The following ASXL1 variants were observed in gnomAD, a reference collection of about 807,000 sequenced individuals.
ASXL1 encodes the protein polycomb group protein ASXL1.
A neutral mutation model predicts 89.1 loss-of-function variants in ASXL1; 65 were observed. The ratio of observed to expected loss-of-function variants is 0.73; its 90% confidence interval spans 0.60 to 0.90. The LOEUF is 0.90. ASXL1 is among the 40% of genes least tolerant of loss of function. The probability of loss-of-function intolerance (pLI) is 0.00; values close to 1 mark genes in which losing one functional copy is unlikely to be tolerated. For synonymous variants in ASXL1, 739 were observed against 746.9 expected, an observed-to-expected ratio of 0.99 and a Z score of 0.17; for missense variants, 1,786 against 1,942.9, an observed-to-expected ratio of 0.92 and a Z score of 1.52.
chr20:32,361,015 G>A (rs1338929298), intron 1 of ASXL1, among the ~76,000 whole-genome samples: 1 of 152,082 alleles, frequency 6.6e-6, no homozygotes, highest in Admixed American at 6.6e-5. Context: ...CCAAAGTGCT[G>A]GGATTACAGG....
chr20:32,435,377 G>A lies in ASXL1; in HGVS notation c.2665G>A (p.Ala889Thr), dbSNP rs763287860. Residue 889 changes from alanine (A) to threonine (T), a missense_variant, in exon 13 of 13, where the codon GCT becomes ACT. Ala to Thr is a moderately conservative substitution (Grantham distance 58, BLOSUM62 0). Around this residue, in one of 3 missense-constraint regions of ASXL1, gnomAD observed 1,418 missense variants for 1,427.8 expected, o/e 0.99. Coordinates refer to ENST00000375687, the MANE Select transcript of ASXL1 (RefSeq NM_015338.6). ...DTRQENLKTK[A>T]LVSNSSLHWI... is the part of the protein sequence containing the mutation. ...TAGACAAGAAAACTTGAAAACCAAG[G>A]CTCTCGTTTCTAACAGTTCTTTGCA... The A allele has an allele frequency of 6.2e-7, 1 of 1,614,166 alleles. No homozygotes were observed. The highest frequency in any genetic ancestry group is 1.1e-5 in the South Asian group (1 of 91,082).
At chr20:32,371,808 G>A in intron 4 of ASXL1, 1 of 448,132 alleles carries the variant, frequency 2.2e-6, no homozygotes, top group South Asian at 1.6e-5. Flanking sequence ...GGTTAAACTG[G>A]TCTCAAACTC....
At chr20:32,397,955 A>AT (rs1323742216) in intron 4 of ASXL1, among the ~76,000 whole-genome samples, 1 of 152,202 alleles carries the variant, frequency 6.6e-6, no homozygotes, top group Admixed American at 6.5e-5. Flanking sequence ...ACCACATTGC[A>AT]TTTAGTTGTC....
At chr20:32,386,516 T>G (rs2048581247) in intron 4 of ASXL1, among the ~76,000 whole-genome samples, 1 of 151,988 alleles carries the variant, frequency 6.6e-6, no homozygotes, top group South Asian at 2.1e-4. Context: ...CTCCCGAGTT[T>G]AAGTAATTCT....
In ASXL1 at chr20:32,436,964, G is replaced by T. The variant is rs1302458782; in HGVS notation, c.4252G>T (p.Gly1418Trp). ...CTTCTGGAAATTACCCCGAGAGCCA[G>T]GGAAGGGGCTCAGTGAGCCTCTGGA... ...LPFWKLPREP[G>W]KGLSEPLEPS... The change falls in exon 13 of 13, where the codon GGG (glycine) becomes TGG (tryptophan). Residue 1418 changes from glycine to tryptophan, a missense_variant. Coordinates refer to ENST00000375687, the MANE Select transcript of ASXL1 (RefSeq NM_015338.6). 6.2e-7 allele frequency: 1 copy of T among 1,614,142 alleles called. No individual in the cohort carries two copies. The highest frequency in any genetic ancestry group is 1.1e-5 in the South Asian group (1 of 91,070).
At chr20:32,374,484 G>GT (rs1044467595) in intron 4 of ASXL1, among the ~76,000 whole-genome samples, 6 of 145,886 alleles carry the variant, frequency 4.1e-5, no homozygotes, top group African/African-American at 1.7e-4. Flanking sequence ...TAGAGATGGA[G>GT]GGGGTCTCAT....
Position 32,433,153 on chromosome 20 carries a change from A to G in ASXL1, c.1086-131A>G, listed in dbSNP as rs557020627. 18 of 1,540,676 alleles carry G rather than the reference A, an allele frequency of 1.2e-5. No individual in the cohort carries two copies. The African/African-American group carries it at 1.4e-4, about 12-fold the overall frequency. ...TAGTGAAGCTAACAGAAGTTTTTCC[A>G]TGGTTAGATTGTGCACCACACAGAT... is the stretch of plus-strand genomic sequence containing the variant. On this transcript the variant is annotated intron_variant, in intron 11 of 12. Coordinates refer to ENST00000375687, the MANE Select transcript of ASXL1 (RefSeq NM_015338.6).
intron 4 of ASXL1, among the ~76,000 whole-genome samples, chr20:32,411,766 G>C: frequency 6.6e-6 from 1 of 152,130 alleles, no homozygotes; most frequent in African/African-American, 2.4e-5. Flanking sequence ...TCGAACTCCT[G>C]ACCTCAAGTT....
At chr20:32,406,285 C>CA (rs1265355789) in intron 4 of ASXL1, among the ~76,000 whole-genome samples, 1 of 152,046 alleles carries the variant, frequency 6.6e-6, no homozygotes. Flanking sequence ...CAGTGGCTTA[C>CA]ACCTGTAATC....
At position 32,436,093 on chromosome 20, in the gene ASXL1, T is replaced by A. The variant is rs565958361; in HGVS notation, c.3381T>A (p.Asp1127Glu). 6.2e-7 allele frequency: 1 copy of A among 1,614,134 alleles called. No individual in the cohort carries two copies. Among genetic ancestry groups the A allele is most frequent in the East Asian group, 2.2e-5 (1 of 44,882 alleles). Reference sequence around the variant, plus strand: ...AGAAGGTTCTTCCACCAGCCCACGATGACAGCATGTCAGAATCCCCACAAG... The same window carrying A: ...AGAAGGTTCTTCCACCAGCCCACGAAGACAGCATGTCAGAATCCCCACAAG... ...PLEKVLPPAHDDSMSESPQVP... is the reference protein window; with the variant it reads ...PLEKVLPPAHEDSMSESPQVP... The change falls in exon 13 of 13, where the codon GAT (aspartate) becomes GAA (glutamate). Residue 1127 changes from aspartate to glutamate, a missense_variant. Physicochemically the swap from Asp to Glu is conservative, Grantham distance 45. Around this residue, in one of 3 missense-constraint regions of ASXL1, gnomAD observed 1,418 missense variants for 1,427.8 expected, o/e 0.99. Transcript: ENST00000375687.
chr20:32,400,431 C>T (rs1404294211), intron 4 of ASXL1, among the ~76,000 whole-genome samples: 4 of 152,144 alleles, frequency 2.6e-5, no homozygotes, highest in Admixed American at 6.5e-5. Context: ...TAGCTGGGAA[C>T]GGTGTAGTAG....
chr20:32,368,434 G>T (rs980645038), intron 3 of ASXL1, among the ~76,000 whole-genome samples: 1 of 152,120 alleles, frequency 6.6e-6, no homozygotes. Context: ...TTAAATAATT[G>T]TTCCTGGGTA....
intron 4 of ASXL1, among the ~76,000 whole-genome samples, chr20:32,423,768 C>T (rs144093473): frequency 2.0e-4 from 31 of 152,156 alleles, no homozygotes; most frequent in Non-Finnish European, 4.1e-4. Context: ...AGGCTGGTCT[C>T]GAACTCTGGA....
intron 4 of ASXL1, among the ~76,000 whole-genome samples, chr20:32,380,554 C>G (rs1410379350): frequency 2.6e-5 from 4 of 152,152 alleles, no homozygotes; most frequent in East Asian, 1.9e-4. Context: ...GAATTCGAGA[C>G]CAGCCTGGGC....
chr20:32,382,852 T>C (rs2048512820), intron 4 of ASXL1, among the ~76,000 whole-genome samples: 1 of 152,142 alleles, frequency 6.6e-6, no homozygotes, highest in Admixed American at 6.6e-5. Context: ...ATAACTTATG[T>C]AGTCTGTGTG....
In ASXL1 at chr20:32,436,513, T is replaced by C. The variant is rs1182909497; in HGVS notation, c.3801T>C (p.Thr1267=). 1 of 1,614,128 alleles carries C rather than the reference T, an allele frequency of 6.2e-7. No homozygotes were observed. The highest frequency in any genetic ancestry group is 8.5e-7 in the Non-Finnish European group (1 of 1,180,052). The change falls in exon 13 of 13, where the codon ACT becomes ACC. Residue 1267 remains threonine, a synonymous_variant. Coordinates refer to ENST00000375687, the MANE Select transcript of ASXL1 (RefSeq NM_015338.6). ...CAGGAAAGAGCCCAGGAGATCTTAC[T>C]ACCTCGAGAACACCTCGTTTCTCAT... ...AAPGKSPGDL[T]TSRTPRFSSP...
intron 4 of ASXL1, among the ~76,000 whole-genome samples, chr20:32,376,165 C>T (rs946169765): frequency 2.0e-5 from 3 of 152,058 alleles, no homozygotes; most frequent in Admixed American, 6.6e-5. Context: ...GCATAGTGGT[C>T]GACCAAGGGC....
intron 4 of ASXL1, among the ~76,000 whole-genome samples, chr20:32,395,870 C>T (rs1381463453): frequency 6.6e-6 from 1 of 152,164 alleles, no homozygotes; most frequent in East Asian, 1.9e-4. Context: ...ATGATCTTGG[C>T]TCGCTGCAAC....
intron 1 of ASXL1, 53 bp from the exon 2 acceptor site, chr20:32,366,331 A>T (rs909058486): frequency 1.4e-6 from 2 of 1,463,592 alleles, no homozygotes; most frequent in Non-Finnish European, 1.9e-6. Context: ...ATATGGATGG[A>T]TGGATATAAA....
Sources: gnomAD v4.1 joint callset for allele counts (sites outside exome capture counted in the v4.1 genomes callset) on GRCh38, gnomAD v4.1.1 for gene constraint, gnomAD v4.1.1 regional missense constraint, MANE v1.5 for transcripts, NCBI Gene and HGNC (gene_info 2026-07-23, HGNC 2026-07-21) for gene names.